The following AUH variants were observed in gnomAD, a reference collection of about 807,000 sequenced individuals.
AUH encodes AU RNA binding methylglutaconyl-CoA hydratase.
AUH carries 29 observed loss-of-function variants against 42.3 expected under a neutral mutation model. The observed-to-expected ratio is 0.69, with a 90% CI of 0.51 to 0.93. AUH has a LOEUF of 0.93. Among genes scored for constraint, AUH ranks in the 40% least tolerant of loss-of-function variants. The pLI, the probability that AUH is intolerant of heterozygous loss-of-function variation, is 0.00. For missense variants in AUH, 452 were observed against 438.1 expected, an observed-to-expected ratio of 1.03 and a Z score of -0.28; for synonymous variants, 174 against 166.4, an observed-to-expected ratio of 1.05 and a Z score of -0.35.
intron 4 of AUH, among the ~76,000 whole-genome samples, chr9:91,313,194 A>G (rs576112343): frequency 6.6e-6 from 1 of 152,314 alleles, no homozygotes; most frequent in South Asian, 2.1e-4. Context: ...CTTCCTTAAT[A>G]AAGTTTCAAT....
At chr9:91,254,311 G>C (rs999989705) in intron 6 of AUH, among the ~76,000 whole-genome samples, 2 of 152,126 alleles carry the variant, frequency 1.3e-5, no homozygotes, top group African/African-American at 4.8e-5. Flanking sequence ...CCTGAGCAGG[G>C]GCACTGGGAA....
chr9:91,235,223 C>A (rs975805292), intron 6 of AUH, among the ~76,000 whole-genome samples: 1 of 152,130 alleles, frequency 6.6e-6, no homozygotes, highest in South Asian at 2.1e-4. Context: ...AAAATCAGAA[C>A]AGGGTGCCCA....
chr9:91,349,437 G>C (rs760456933), intron 3 of AUH, among the ~76,000 whole-genome samples: 11 of 151,920 alleles, frequency 7.2e-5, no homozygotes, highest in Non-Finnish European at 1.5e-4. Context: ...AAAATGTTCT[G>C]GTAAAAACAA....
rs1554721818 is a variant in AUH, at chr9:91,356,114, A to C, written c.304T>G (p.Ser102Ala). Residue 102 changes from serine (S) to alanine (A), a missense_variant, in exon 2 of 10, where the codon TCA becomes GCA. Ser to Ala is a moderately conservative substitution (Grantham distance 99, BLOSUM62 1). Coordinates refer to ENST00000375731, the MANE Select transcript of AUH (RefSeq NM_001698.3). ...ATTTTTATAAGATTTTTACTGAGTG[A>C]ATTTTTGCCATAAGCTCTGTTTATT... is the stretch of plus-strand genomic sequence containing the variant. ...LGINRAYGKN[S>A]LSKNLIKMLS... is the part of the protein sequence containing the mutation. The C allele has an allele frequency of 6.2e-7, 1 of 1,613,766 alleles. No individual in the cohort carries two copies. The highest frequency in any genetic ancestry group is 2.2e-5 in the East Asian group (1 of 44,824).
At chr9:91,307,462 T>C (rs977243960) in intron 4 of AUH, among the ~76,000 whole-genome samples, 2 of 152,172 alleles carry the variant, frequency 1.3e-5, no homozygotes, top group African/African-American at 4.8e-5. Flanking sequence ...CAGTTACCCA[T>C]GGTCAACCGC....
At chr9:91,265,277 ATTT>A (rs57781691) in intron 6 of AUH, among the ~76,000 whole-genome samples, 1 of 133,960 alleles carries the variant, frequency 7.5e-6, no homozygotes, top group African/African-American at 2.7e-5. Context: ...TTGCTCTTGC[ATTT>A]TTTTTTTTTT....
intron 5 of AUH, among the ~76,000 whole-genome samples, chr9:91,296,620 C>T (rs1827352734): frequency 6.6e-6 from 1 of 152,184 alleles, no homozygotes; most frequent in Admixed American, 6.5e-5. Context: ...ATCTTAATAA[C>T]TTCTTTATTT....
At chr9:91,338,173 A>T (rs1014116876) in intron 3 of AUH, among the ~76,000 whole-genome samples, 1 of 152,252 alleles carries the variant, frequency 6.6e-6, no homozygotes, top group Non-Finnish European at 1.5e-5. Context: ...ACTTTTCCTC[A>T]AAGTGAAGTG....
chr9:91,355,780 T>C, intron 3 of AUH, 103 bp downstream of exon 3: 3 of 995,624 alleles, frequency 3.0e-6, no homozygotes, highest in Admixed American at 1.9e-5. Flanking sequence ...GAGGAGTTGT[T>C]GGTAATGGGG....
At chr9:91,341,336 A>G (rs1831084679) in intron 3 of AUH, among the ~76,000 whole-genome samples, 1 of 152,226 alleles carries the variant, frequency 6.6e-6, no homozygotes, top group Non-Finnish European at 1.5e-5. Flanking sequence ...CAACAGAGGC[A>G]GCTGTGCTCC....
intron 3 of AUH, among the ~76,000 whole-genome samples, chr9:91,347,544 T>A (rs1288449500): frequency 6.6e-6 from 1 of 151,946 alleles, no homozygotes; most frequent in African/African-American, 2.4e-5. Flanking sequence ...TGCCCCCCCA[T>A]CCTGAAGCTA....
chr9:91,290,223 T>G (rs949609440), intron 6 of AUH, among the ~76,000 whole-genome samples: 2 of 152,062 alleles, frequency 1.3e-5, no homozygotes, highest in Admixed American at 6.6e-5. Flanking sequence ...CAAGACCAGC[T>G]TGGGCAACAT....
At chr9:91,351,005 C>T (rs768344773) in intron 3 of AUH, among the ~76,000 whole-genome samples, 10 of 151,732 alleles carry the variant, frequency 6.6e-5, no homozygotes, top group Non-Finnish European at 1.5e-4. Flanking sequence ...CAGGGTCTCG[C>T]TCTGTCACCC....
chr9:91,237,559 T>C (rs10991837), intron 6 of AUH, among the ~76,000 whole-genome samples: 31,887 of 152,174 alleles, frequency 0.21, 3,550 homozygotes, highest in East Asian at 0.32. Flanking sequence ...TAGTATCCTC[T>C]AACGCTGAAC....
At chr9:91,302,778 GA>G (rs558155014) in intron 4 of AUH, among the ~76,000 whole-genome samples, 2 of 151,726 alleles carry the variant, frequency 1.3e-5, no homozygotes, top group Non-Finnish European at 2.9e-5. Flanking sequence ...CAAAAAAAAG[GA>G]AAAAAAATGT....
chr9:91,214,153 C>T lies in AUH; in HGVS notation c.*195G>A, dbSNP rs1469525016. 3.5e-6 allele frequency: 2 copies of T among 570,612 alleles called. No individual in the cohort carries two copies. The highest frequency in any genetic ancestry group is 6.2e-5 in the East Asian group (2 of 32,254). The allele number at this position is 570,612 out of a possible 1,614,324, so 35.3% of individuals were successfully genotyped here. Reference sequence around the variant, plus strand: ...ACTATACACTACTAGCTTTATAAATCTGAATGAATATGACATTTACACATT... The same window carrying T: ...ACTATACACTACTAGCTTTATAAATTTGAATGAATATGACATTTACACATT... On this transcript the variant is annotated 3_prime_UTR_variant, in exon 10 of 10. Coordinates refer to ENST00000375731, the MANE Select transcript of AUH (RefSeq NM_001698.3).
At chr9:91,338,055 T>C (rs907934465) in intron 3 of AUH, among the ~76,000 whole-genome samples, 18 of 152,144 alleles carry the variant, frequency 1.2e-4, no homozygotes, top group African/African-American at 3.6e-4. Flanking sequence ...ATAAAAAATT[T>C]CTATCTTGGA....
chr9:91,248,897 AT>A (rs796545050), intron 6 of AUH, among the ~76,000 whole-genome samples: 9 of 152,346 alleles, frequency 5.9e-5, no homozygotes, highest in African/African-American at 2.2e-4. Context: ...GGCTAGCACA[AT>A]GGCATTTTTG....
chr9:91,258,679 C>T (rs934854540), intron 6 of AUH, among the ~76,000 whole-genome samples: 2 of 152,222 alleles, frequency 1.3e-5, no homozygotes, highest in Non-Finnish European at 2.9e-5. Flanking sequence ...ACTAAATATG[C>T]TAACTGTAAA....
Sources: gnomAD v4.1 joint callset for allele counts (sites outside exome capture counted in the v4.1 genomes callset) on GRCh38, gnomAD v4.1.1 for gene constraint, MANE v1.5 for transcripts, NCBI Gene and HGNC (gene_info 2026-07-23, HGNC 2026-07-21) for gene names.